The following FOXK1 variants were observed in gnomAD, a reference collection of about 807,000 sequenced individuals.
The protein encoded by FOXK1 is forkhead box K1.
Under a neutral mutation model 51.9 loss-of-function variants are expected in FOXK1, and 19 were observed. The observed-to-expected ratio is 0.37, with a 90% CI of 0.26 to 0.54. FOXK1 has a LOEUF of 0.54. FOXK1 is among the 20% of genes least tolerant of loss of function. The pLI, the probability that FOXK1 is intolerant of heterozygous loss-of-function variation, is 0.87. For synonymous variants in FOXK1, 537 were observed against 482.6 expected, an observed-to-expected ratio of 1.11 and a Z score of -1.48; for missense variants, 870 against 1,032.7, an observed-to-expected ratio of 0.84 and a Z score of 2.16.
intron 1 of FOXK1, among the ~76,000 whole-genome samples, chr7:4,689,105 G>C (rs759546497): frequency 2.0e-5 from 3 of 151,946 alleles, no homozygotes; most frequent in African/African-American, 4.8e-5. Context: ...AGCCTCCTGA[G>C]TAGCTGGGAT....
intron 1 of FOXK1, among the ~76,000 whole-genome samples, chr7:4,685,027 C>G (rs1178694246): frequency 4.0e-5 from 6 of 151,776 alleles, no homozygotes; most frequent in Non-Finnish European, 7.4e-5. Flanking sequence ...GATGCCCGCC[C>G]GCTGACTTGG....
chr7:4,758,990 G>C lies in FOXK1; in HGVS notation c.1245-61G>C. Reference sequence around the variant, plus strand: ...CGGCGCTGAGATGCGTGATGTCTCGGAAACGTCCTCGCATCCCTCAGCGCG... The same window carrying C: ...CGGCGCTGAGATGCGTGATGTCTCGCAAACGTCCTCGCATCCCTCAGCGCG... On this transcript the variant is annotated intron_variant, in intron 5 of 8. Transcript: ENST00000328914. The surrounding 1 kb of genome is among the most constrained non-coding windows in gnomAD (Gnocchi z 4.4). 1 of 1,507,910 alleles carries C rather than the reference G, an allele frequency of 6.6e-7. No individual in the cohort carries two copies. The highest frequency in any genetic ancestry group is 8.8e-7 in the Non-Finnish European group (1 of 1,131,920). 93.4% of individuals were successfully genotyped at this position (1,507,910 alleles called of 1,614,324 possible). A position where few individuals can be genotyped will look rare whatever the true frequency, so the allele number is the denominator to read the frequency against.
chr7:4,711,017 G>A lies in FOXK1; in HGVS notation c.560+28149G>A, dbSNP rs929514846. Among the ~76,000 whole-genome samples the A allele has an allele frequency of 7.2e-5, 11 of 152,314 alleles. No homozygotes were observed. Among genetic ancestry groups the A allele is most frequent in the East Asian group, 5.8e-4 (3 of 5,178 alleles). ...CCCCATCACGGTGCCTGAGCTTCAC[G>A]GAGTTGCAGAGCAGCCTGGCTTTAG... is the stretch of plus-strand genomic sequence containing the variant. On this transcript the variant is annotated intron_variant, in intron 1 of 8. Coordinates refer to ENST00000328914, the MANE Select transcript of FOXK1 (RefSeq NM_001037165.2). The surrounding 1 kb of genome is among the most constrained non-coding windows in gnomAD (Gnocchi z 6.3).
intron 1 of FOXK1, among the ~76,000 whole-genome samples, chr7:4,702,849 T>C (rs1437757393): frequency 6.6e-6 from 1 of 152,170 alleles, no homozygotes; most frequent in Non-Finnish European, 1.5e-5. Context: ...TCCCCTGCCT[T>C]CCTCTTCTCA....
At chr7:4,700,090 C>T (rs1055043535) in intron 1 of FOXK1, among the ~76,000 whole-genome samples, 2 of 152,308 alleles carry the variant, frequency 1.3e-5, no homozygotes, top group East Asian at 1.9e-4. Flanking sequence ...AGGCCTTCCC[C>T]GGTGCCTGGC....
Position 4,758,670 on chromosome 7 carries a change from TAG to T in FOXK1, c.1245-378_1245-377del, listed in dbSNP as rs1166391979. On this transcript the variant is annotated intron_variant, in intron 5 of 8. Coordinates refer to ENST00000328914, the MANE Select transcript of FOXK1 (RefSeq NM_001037165.2). This position sits in a 1 kb window ranked among gnomAD's most constrained non-coding sequence, Gnocchi z 4.4. ...ATGACGTTCAAACACCCCTCTCGGG[TAG>T]AGTTTTCATGGTGGAACGGTTGCGC... 4.5e-6 allele frequency: 1 copy of T among 220,564 alleles called. No individual in the cohort carries two copies. Among genetic ancestry groups the T allele is most frequent in the Non-Finnish European group, 8.9e-6 (1 of 112,826 alleles). The allele number at this position is 220,564 out of a possible 1,614,324, so 13.7% of individuals were successfully genotyped here.
At position 4,715,414 on chromosome 7, in the gene FOXK1, C is replaced by A. The variant is rs564141056; in HGVS notation, c.561-25424C>A. Among the ~76,000 whole-genome samples the A allele has an allele frequency of 3.3e-5, 5 of 152,112 alleles. No homozygotes were observed. The highest frequency in any genetic ancestry group is 3.9e-4 in the East Asian group (2 of 5,150). ...AATGGGATCGCACGGTGGTCCAGAT[C>A]GTCTGTGCACCCATCCTTGCCCTGC... On this transcript the variant is annotated intron_variant, in intron 1 of 8. Coordinates refer to ENST00000328914, the MANE Select transcript of FOXK1 (RefSeq NM_001037165.2). This position sits in a 1 kb window ranked among gnomAD's most constrained non-coding sequence, Gnocchi z 4.5.
chr7:4,733,492 G>T lies in FOXK1; in HGVS notation c.561-7346G>T, dbSNP rs1397138297. ...TGTTGGGAAGGGGAGGAGTGAAGAA[G>T]GCCCTTGGTTCCTCATATAGACATG... On this transcript the variant is annotated intron_variant, in intron 1 of 8. Transcript: ENST00000328914. The surrounding 1 kb of genome is among the most constrained non-coding windows in gnomAD (Gnocchi z 5.0). Among the ~76,000 whole-genome samples, 1 of 152,202 alleles carries T rather than the reference G, an allele frequency of 6.6e-6. No homozygotes were observed. Among genetic ancestry groups the T allele is most frequent in the African/African-American group, 2.4e-5 (1 of 41,456 alleles).
At chr7:4,741,944 C>T (rs1032876697) in intron 2 of FOXK1, among the ~76,000 whole-genome samples, 2 of 152,272 alleles carry the variant, frequency 1.3e-5, no homozygotes, top group Admixed American at 6.5e-5. Context: ...GATGCAAAAA[C>T]AGACGTGTAC....
chr7:4,727,713 CA>C (rs1416862941), intron 1 of FOXK1, among the ~76,000 whole-genome samples: 13 of 152,262 alleles, frequency 8.5e-5, no homozygotes, highest in African/African-American at 3.1e-4. Flanking sequence ...GGCCCTGTCC[CA>C]CCTTCCCGTC....
chr7:4,700,214 C>T (rs1437655638), intron 1 of FOXK1, among the ~76,000 whole-genome samples: 4 of 152,180 alleles, frequency 2.6e-5, no homozygotes, highest in African/African-American at 7.2e-5. Flanking sequence ...GGCAGGACCA[C>T]GTTTTTCTTG....
intron 1 of FOXK1, among the ~76,000 whole-genome samples, chr7:4,717,582 CT>C (rs1489312478): frequency 6.6e-6 from 1 of 152,066 alleles, no homozygotes; most frequent in Non-Finnish European, 1.5e-5. Context: ...AGTGTCTGGG[CT>C]GCGTAGCTGT....
chr7:4,751,865 G>A (rs1780783417), intron 2 of FOXK1, among the ~76,000 whole-genome samples: 1 of 152,220 alleles, frequency 6.6e-6, no homozygotes, highest in Non-Finnish European at 1.5e-5. Context: ...CTCGCCTGTG[G>A]GAGCCAGGCT....
intron 7 of FOXK1, chr7:4,759,875 A>T (rs927149901): frequency 5.6e-6 from 3 of 534,446 alleles, no homozygotes; most frequent in African/African-American, 3.9e-5. Context: ...TACTGAAAAT[A>T]CAAAAATTAG....
chr7:4,700,610 G>A (rs1326361949), intron 1 of FOXK1, among the ~76,000 whole-genome samples: 2 of 152,148 alleles, frequency 1.3e-5, no homozygotes, highest in Non-Finnish European at 2.9e-5. Context: ...GAAGCCAGGT[G>A]TTGAAGACCA....
chr7:4,689,153 T>C (rs1022044873), intron 1 of FOXK1, among the ~76,000 whole-genome samples: 7 of 152,070 alleles, frequency 4.6e-5, no homozygotes, highest in Admixed American at 3.9e-4. Context: ...AATTTTTGTA[T>C]TTTTAGTAGA....
chr7:4,768,268 G>A lies in FOXK1; in HGVS notation c.*5804G>A, dbSNP rs922173201. ...CTGCCTCAGCCTCCCGAGTAGCTGG[G>A]ACTACAGGCGCCCGCTACCACGCCC... On this transcript the variant is annotated 3_prime_UTR_variant, in exon 9 of 9. Transcript: ENST00000328914. 1.1e-4 allele frequency: 16 copies of A among 146,382 alleles called. No individual in the cohort carries two copies. Among genetic ancestry groups the A allele is most frequent in the African/African-American group, 4.1e-4 (15 of 36,846 alleles). The allele number at this position is 146,382 out of a possible 1,614,324, so 9.1% of individuals were successfully genotyped here.
At chr7:4,710,919 A>AGT (rs779492960) in intron 1 of FOXK1, among the ~76,000 whole-genome samples, 6 of 152,030 alleles carry the variant, frequency 3.9e-5, no homozygotes, top group Non-Finnish European at 7.4e-5. Context: ...TCGTCTGTGT[A>AGT]GTTCCTTCTG....
chr7:4,721,598 T>G (rs538995595), intron 1 of FOXK1, among the ~76,000 whole-genome samples: 1 of 144,864 alleles, frequency 6.9e-6, no homozygotes, highest in African/African-American at 2.5e-5. Context: ...TCTTTTTTTT[T>G]TTTTTTTTTT....
Sources: gnomAD v4.1 joint callset for allele counts (sites outside exome capture counted in the v4.1 genomes callset) on GRCh38, gnomAD v4.1.1 for gene constraint, Gnocchi (gnomAD v3.1) non-coding constraint, MANE v1.5 for transcripts, NCBI Gene and HGNC (gene_info 2026-07-23, HGNC 2026-07-21) for gene names.